The following SGCZ variants were observed in gnomAD, a reference collection of about 807,000 sequenced individuals.
SGCZ encodes the protein sarcoglycan zeta.
SGCZ carries 40 observed loss-of-function variants against 41.3 expected under a neutral mutation model. The ratio of observed to expected loss-of-function variants is 0.97; its 90% CI spans 0.75 to 1.26. The LOEUF is 1.26. SGCZ is among the 50% of genes most tolerant of loss of function. The pLI is 0.00. For missense variants in SGCZ, 552 were observed against 369.8 expected (o/e 1.49, Z -4.04); for synonymous variants, 206 against 137.5 (o/e 1.50, Z -3.49).
chr8:14,814,982 ACTT>A (rs1266512176), intron 1 of SGCZ, among the ~76,000 whole-genome samples: 3 of 152,110 alleles, frequency 2.0e-5, no homozygotes, highest in African/African-American at 7.2e-5. Flanking sequence ...GAACTCGGTT[ACTT>A]CTTCTGCCTC....
At chr8:14,342,754 A>T (rs1468506569) in intron 2 of SGCZ, among the ~76,000 whole-genome samples, 1 of 152,082 alleles carries the variant, frequency 6.6e-6, no homozygotes, top group African/African-American at 2.4e-5. Flanking sequence ...AGAAAAACCC[A>T]TTTTCTGGGG....
At chr8:14,117,895 C>T (rs1354519679) in intron 5 of SGCZ, among the ~76,000 whole-genome samples, 1 of 151,168 alleles carries the variant, frequency 6.6e-6, no homozygotes, top group East Asian at 2.0e-4. Context: ...TCATCCATGT[C>T]CCTGCAAAGG....
intron 1 of SGCZ, among the ~76,000 whole-genome samples, chr8:14,719,988 G>A (rs993825594): frequency 6.6e-6 from 1 of 151,998 alleles, no homozygotes; most frequent in Non-Finnish European, 1.5e-5. Context: ...AAGGTTTTAG[G>A]TCTAAAGTTT....
At chr8:14,638,544 T>C (rs547792571) in intron 1 of SGCZ, among the ~76,000 whole-genome samples, 7 of 151,954 alleles carry the variant, frequency 4.6e-5, no homozygotes, top group South Asian at 2.1e-4. Context: ...ATAAACTCCT[T>C]AGCATATTGT....
chr8:15,085,809 A>G (rs1227731714), intron 1 of SGCZ, among the ~76,000 whole-genome samples: 1 of 152,114 alleles, frequency 6.6e-6, no homozygotes, highest in Non-Finnish European at 1.5e-5. Context: ...TTGCCAAGTC[A>G]ACACACCTTC....
chr8:14,700,683 G>C (rs1352157169), intron 1 of SGCZ, among the ~76,000 whole-genome samples: 1 of 151,802 alleles, frequency 6.6e-6, no homozygotes, highest in African/African-American at 2.4e-5. Flanking sequence ...TTAATGTTTA[G>C]GAAATATGTT....
intron 2 of SGCZ, among the ~76,000 whole-genome samples, chr8:14,455,429 A>C (rs1436807070): frequency 6.7e-6 from 1 of 150,196 alleles, no homozygotes; most frequent in Non-Finnish European, 1.5e-5. Flanking sequence ...ATCAGCCTCA[A>C]AGTGTTGAAG....
In SGCZ at chr8:14,661,350, C is replaced by T. The variant is rs1336400827; in HGVS notation, c.40-106424G>A. Among the ~76,000 whole-genome samples, 8 of 152,146 alleles carry T rather than the reference C, an allele frequency of 5.3e-5. No homozygotes were observed. The East Asian group carries it at 1.4e-3, about 26-fold the overall frequency. On this transcript the variant is annotated intron_variant, in intron 1 of 7. Coordinates refer to ENST00000382080, the MANE Select transcript of SGCZ (RefSeq NM_139167.4). ...ATGCATTTGGACAACCATTGAATGG[C>T]CTAGAAAATATGAAAAAAATGTTGT...
intron 2 of SGCZ, among the ~76,000 whole-genome samples, chr8:14,389,323 A>C (rs1482451095): frequency 6.6e-6 from 1 of 151,898 alleles, no homozygotes; most frequent in Non-Finnish European, 1.5e-5. Flanking sequence ...AACATGTAAG[A>C]ATTTTTCAGA....
intron 2 of SGCZ, among the ~76,000 whole-genome samples, chr8:14,472,917 A>G (rs2116982898): frequency 6.6e-6 from 1 of 152,288 alleles, no homozygotes; most frequent in East Asian, 1.9e-4. Context: ...CCTAAACCAC[A>G]AAAGTTACCC....
chr8:14,872,357 T>G (rs1328387126), intron 1 of SGCZ, among the ~76,000 whole-genome samples: 1 of 152,136 alleles, frequency 6.6e-6, no homozygotes, highest in Non-Finnish European at 1.5e-5. Context: ...TCTGTTACTT[T>G]TCTATTGTTC....
chr8:15,072,127 C>G (rs1805375118), intron 1 of SGCZ, among the ~76,000 whole-genome samples: 1 of 152,038 alleles, frequency 6.6e-6, no homozygotes, highest in Non-Finnish European at 1.5e-5. Flanking sequence ...AAGTACTCTC[C>G]ATCTTCCTGG....
intron 1 of SGCZ, among the ~76,000 whole-genome samples, chr8:14,840,084 A>C (rs1287380014): frequency 6.6e-6 from 1 of 152,138 alleles, no homozygotes; most frequent in Non-Finnish European, 1.5e-5. Flanking sequence ...TTAATAAAAC[A>C]CTGTTACAAA....
intron 4 of SGCZ, among the ~76,000 whole-genome samples, chr8:14,218,085 T>G (rs894633176): frequency 2.0e-5 from 3 of 152,176 alleles, no homozygotes; most frequent in African/African-American, 7.2e-5. Context: ...GATATCTACT[T>G]GACCACTCTA....
chr8:14,981,968 G>C (rs1585434989), intron 1 of SGCZ, among the ~76,000 whole-genome samples: 3 of 152,078 alleles, frequency 2.0e-5, no homozygotes, highest in African/African-American at 7.2e-5. Context: ...TGGCCAAAAT[G>C]GTGAAACCCC....
intron 1 of SGCZ, among the ~76,000 whole-genome samples, chr8:14,744,513 A>G (rs1232428155): frequency 6.6e-6 from 1 of 152,096 alleles, no homozygotes; most frequent in Non-Finnish European, 1.5e-5. Context: ...TTTTTTCTGG[A>G]GAAGTAACTG....
At chr8:15,099,843 G>A (rs1003726346) in intron 1 of SGCZ, among the ~76,000 whole-genome samples, 1 of 151,534 alleles carries the variant, frequency 6.6e-6, no homozygotes, top group Non-Finnish European at 1.5e-5. Context: ...AGGCTAAAGA[G>A]GAAAAATTAC....
chr8:14,350,857 T>G (rs1803066134), intron 2 of SGCZ, among the ~76,000 whole-genome samples: 2 of 152,330 alleles, frequency 1.3e-5, no homozygotes, highest in South Asian at 4.1e-4. Flanking sequence ...TTGTATCGTT[T>G]AAACATATTT....
At position 14,298,127 on chromosome 8, in the gene SGCZ, T is replaced by C. The variant is rs1230280652; in HGVS notation, c.336+25976A>G. Among the ~76,000 whole-genome samples the C allele has an allele frequency of 9.2e-5, 14 of 152,110 alleles. No individual in the cohort carries two copies. The East Asian group carries it at 2.5e-3, about 27-fold the overall frequency. On this transcript the variant is annotated intron_variant, in intron 3 of 7. Coordinates refer to ENST00000382080, the MANE Select transcript of SGCZ (RefSeq NM_139167.4). ...CAAATAAAAAGATTATTTTAATAGA[T>C]ACAGAAAGATAATTTGACAAAATTT...
Sources: gnomAD v4.1 joint callset for allele counts (sites outside exome capture counted in the v4.1 genomes callset) on GRCh38, gnomAD v4.1.1 for gene constraint, MANE v1.5 for transcripts, NCBI Gene and HGNC (gene_info 2026-07-23, HGNC 2026-07-21) for gene names.